UGGT2: variants seen among roughly 807,000 people sequenced by gnomAD.
The protein encoded by UGGT2 is UDP-glucose glycoprotein glucosyltransferase 2, also known as UDP-glucose:glycoprotein glucosyltransferase 2.
UGGT2 carries 180 observed loss-of-function variants against 192.1 expected under a neutral mutation model. The ratio of observed to expected loss-of-function variants is 0.94; its 90% CI spans 0.83 to 1.06. UGGT2 has a LOEUF of 1.06. Among genes scored for constraint, UGGT2 ranks in the 50% least tolerant of loss-of-function variants. The pLI is 0.00. For synonymous variants in UGGT2, 580 were observed against 591.0 expected (o/e 0.98, Z 0.27); for missense variants, 1,849 against 1,795.7 (o/e 1.03, Z -0.54).
chr13:95,908,479 C>CAA (rs55733759), intron 20 of UGGT2, among the ~76,000 whole-genome samples: 23,387 of 152,076 alleles, frequency 0.15, 2,224 homozygotes, highest in East Asian at 0.26. Flanking sequence ...GAAGGAAAAA[C>CAA]TGTTAAGGGC....
chr13:96,042,363 C>A (rs977852001), intron 1 of UGGT2, among the ~76,000 whole-genome samples: 2 of 152,140 alleles, frequency 1.3e-5, no homozygotes, highest in African/African-American at 4.8e-5. Flanking sequence ...AGAATCTGAA[C>A]AACAGCCTTC....
intron 38 of UGGT2, among the ~76,000 whole-genome samples, chr13:95,805,482 C>CA (rs1884258105): frequency 6.6e-6 from 1 of 152,098 alleles, no homozygotes; most frequent in Non-Finnish European, 1.5e-5. Flanking sequence ...CACACATGTC[C>CA]ATAGCTGCAT....
intron 25 of UGGT2, among the ~76,000 whole-genome samples, chr13:95,888,664 T>G (rs1371651234): frequency 2.0e-5 from 3 of 152,160 alleles, no homozygotes; most frequent in Admixed American, 1.3e-4. Flanking sequence ...ACTCTGGAGG[T>G]CACTGAACCA....
chr13:95,806,436 A>T (rs1230690265), intron 38 of UGGT2, among the ~76,000 whole-genome samples: 3 of 152,162 alleles, frequency 2.0e-5, no homozygotes, highest in African/African-American at 4.8e-5. Flanking sequence ...TTAGAAAAAC[A>T]TTACATATTT....
At chr13:95,932,654 C>T (rs947886699) in intron 17 of UGGT2, among the ~76,000 whole-genome samples, 16 of 152,112 alleles carry the variant, frequency 1.1e-4, no homozygotes, top group South Asian at 2.1e-4. Flanking sequence ...GACTGGGCAT[C>T]CTTTTCCTGT....
intron 6 of UGGT2, among the ~76,000 whole-genome samples, chr13:95,996,474 T>G (rs1029272335): frequency 6.7e-6 from 1 of 150,052 alleles, no homozygotes; most frequent in African/African-American, 2.5e-5. Flanking sequence ...CCAGCCTGGG[T>G]GACAGAGTAA....
intron 23 of UGGT2, 101 bp downstream of exon 23, chr13:95,895,079 C>A (rs1197779767): frequency 1.4e-5 from 17 of 1,201,012 alleles, no homozygotes; most frequent in Admixed American, 9.0e-5. Flanking sequence ...TTTTATTATA[C>A]CTTTACTTGT....
chr13:95,963,897 G>C lies in UGGT2; in HGVS notation c.1335+6215C>G, dbSNP rs2050483496. ...AAAAACATCCCATGCTCATGGTTCAGATAAATATTAAAATGATGATACTGC... is the reference window on the plus strand; with the variant it reads ...AAAAACATCCCATGCTCATGGTTCACATAAATATTAAAATGATGATACTGC... On this transcript the variant is annotated intron_variant, in intron 12 of 38. Transcript: ENST00000376747. 2.0e-5 allele frequency among the ~76,000 whole-genome samples: 3 copies of C among 152,062 alleles called. No homozygotes were observed. In the South Asian group the frequency reaches 6.2e-4, roughly 32 times the overall value.
intron 2 of UGGT2, among the ~76,000 whole-genome samples, chr13:96,030,062 T>C (rs2052786950): frequency 6.6e-6 from 1 of 152,208 alleles, no homozygotes; most frequent in Non-Finnish European, 1.5e-5. Flanking sequence ...AGACAGTAAT[T>C]TCCTAATGAT....
chr13:95,893,631 A>G (rs1301095194), intron 24 of UGGT2, among the ~76,000 whole-genome samples: 1 of 152,190 alleles, frequency 6.6e-6, no homozygotes, highest in Non-Finnish European at 1.5e-5. Flanking sequence ...CCGTATTTAT[A>G]TTATTATCTC....
At chr13:95,987,091 G>T (rs1042841932) in intron 8 of UGGT2, among the ~76,000 whole-genome samples, 4 of 151,960 alleles carry the variant, frequency 2.6e-5, no homozygotes, top group Admixed American at 6.6e-5. Context: ...TTCTCCTTTA[G>T]CTTAAGGACA....
chr13:95,862,886 A>C (rs1890294815), intron 31 of UGGT2, among the ~76,000 whole-genome samples: 1 of 152,102 alleles, frequency 6.6e-6, no homozygotes, highest in Non-Finnish European at 1.5e-5. Flanking sequence ...TTTTCGAGAC[A>C]GGGTCTCACT....
chr13:95,816,966 A>T (rs940461496), intron 38 of UGGT2, among the ~76,000 whole-genome samples: 1 of 152,072 alleles, frequency 6.6e-6, no homozygotes, highest in African/African-American at 2.4e-5. Flanking sequence ...CTCTCTACTA[A>T]AAATACAAAA....
intron 1 of UGGT2, among the ~76,000 whole-genome samples, chr13:96,052,473 A>G (rs181126856): frequency 3.7e-4 from 50 of 134,136 alleles, no homozygotes; most frequent in African/African-American, 1.2e-3. Context: ...TATAGAAATG[A>G]AAAAAAAAAA....
chr13:95,889,913 G>A (rs2047752236), intron 25 of UGGT2, among the ~76,000 whole-genome samples: 1 of 152,168 alleles, frequency 6.6e-6, no homozygotes, highest in Admixed American at 6.5e-5. Context: ...CCTGGCAGAA[G>A]TGCAGAGATG....
At chr13:95,884,993 T>C (rs1367924620) in intron 26 of UGGT2, among the ~76,000 whole-genome samples, 1 of 152,202 alleles carries the variant, frequency 6.6e-6, no homozygotes, top group African/African-American at 2.4e-5. Flanking sequence ...TATTATGATT[T>C]GTATGCATCC....
At chr13:95,805,512 G>C (rs1416691909) in intron 38 of UGGT2, among the ~76,000 whole-genome samples, 2 of 152,172 alleles carry the variant, frequency 1.3e-5, no homozygotes, top group Non-Finnish European at 2.9e-5. Context: ...TAGCCAAAAG[G>C]TGAAAGCAAA....
intron 33 of UGGT2, among the ~76,000 whole-genome samples, chr13:95,858,725 T>C (rs575592424): frequency 1.4e-4 from 22 of 152,268 alleles, no homozygotes; most frequent in Non-Finnish European, 2.8e-4. Flanking sequence ...TAAATCCTTA[T>C]AGTAAGTTAT....
At chr13:95,855,839 A>G (rs1889557150) in intron 34 of UGGT2, among the ~76,000 whole-genome samples, 1 of 152,226 alleles carries the variant, frequency 6.6e-6, no homozygotes, top group Non-Finnish European at 1.5e-5. Flanking sequence ...ATATCAGCAC[A>G]TAATTTACAG....
Sources: allele counts gnomAD v4.1 joint callset (sites outside exome capture counted in the v4.1 genomes callset), GRCh38; gene constraint gnomAD v4.1.1; transcripts MANE v1.5; gene names NCBI Gene and HGNC (gene_info 2026-07-23, HGNC 2026-07-21).